The following KIAA1671 variants were observed in gnomAD, a reference collection of about 807,000 sequenced individuals.
KIAA1671 encodes the protein KIAA1671, also known as uncharacterized protein KIAA1671.
Under a neutral mutation model 131.2 loss-of-function variants are expected in KIAA1671, and 52 were observed. The observed-to-expected ratio is 0.40, with a 90% CI of 0.32 to 0.50. KIAA1671 has a LOEUF of 0.50. KIAA1671 is among the 20% of genes least tolerant of loss of function. The pLI is 0.73. For synonymous variants in KIAA1671, 1,003 were observed against 961.6 expected, an observed-to-expected ratio of 1.04 and a Z score of -0.80; for missense variants, 2,360 against 2,364.2, an observed-to-expected ratio of 1.00 and a Z score of 0.04.
chr22:25,001,564 G>C (rs1040382941), intron 1 of KIAA1671, among the ~76,000 whole-genome samples: 2 of 152,184 alleles, frequency 1.3e-5, no homozygotes, highest in Non-Finnish European at 2.9e-5. Context: ...GGACTGGGGT[G>C]GGGGAGATTG....
chr22:25,038,920 C>G lies in KIAA1671; in HGVS notation c.1790C>G (p.Ser597Cys), dbSNP rs1926762546. The G allele has an allele frequency of 6.4e-7, 1 of 1,551,648 alleles. No individual in the cohort carries two copies. Among genetic ancestry groups the G allele is most frequent in the Non-Finnish European group, 8.7e-7 (1 of 1,147,016 alleles). Residue 597 changes from serine (S) to cysteine (C), a missense_variant, in exon 5 of 13, where the codon TCT becomes TGT. This residue lies in a region of KIAA1671 where 1,185 missense variants were observed against 1,126.2 expected (regional missense o/e 1.05). Transcript: ENST00000358431. Reference protein sequence around the residue: ...GGSSVEAPCPSDVTPEDDRSF... With the variant: ...GGSSVEAPCPCDVTPEDDRSF... ...AGCTCAGTGGAGGCCCCGTGCCCTT[C>G]TGACGTCACTCCAGAGGATGACCGG... is the stretch of plus-strand genomic sequence containing the variant.
intron 6 of KIAA1671, among the ~76,000 whole-genome samples, chr22:25,127,099 CTT>C (rs980582540): frequency 6.6e-6 from 1 of 152,058 alleles, no homozygotes; most frequent in African/African-American, 2.4e-5. Flanking sequence ...AGCCATGTGA[CTT>C]TGAGCAAGAC....
chr22:25,179,599 C>T (rs889890887), intron 9 of KIAA1671: 5 of 1,234,782 alleles, frequency 4.0e-6, no homozygotes, highest in Non-Finnish European at 4.5e-6. Context: ...ATGCGTTGGC[C>T]TCCAGGGTGG....
Position 25,049,561 on chromosome 22 carries a change from G to T in KIAA1671, c.4530+197G>T, listed in dbSNP as rs1400810156. ...GATGTGGAGGGTGTTTGGTGGCTCTGCTGGGGAAACCTTCTTCCTCTTGAG... is the reference window on the plus strand; with the variant it reads ...GATGTGGAGGGTGTTTGGTGGCTCTTCTGGGGAAACCTTCTTCCTCTTGAG... On this transcript the variant is annotated intron_variant, in intron 6 of 12. Transcript: ENST00000358431. The T allele has an allele frequency of 3.9e-5, 22 of 569,370 alleles. No individual in the cohort carries two copies. In the East Asian group the frequency reaches 5.9e-4, roughly 15 times the overall value. The allele number at this position is 569,370 out of a possible 1,614,324, so 35.3% of individuals were successfully genotyped here. A position where few individuals can be genotyped will look rare whatever the true frequency, so the allele number is the denominator to read the frequency against.
intron 6 of KIAA1671, among the ~76,000 whole-genome samples, chr22:25,097,094 G>T (rs979992383): frequency 4.6e-5 from 7 of 152,168 alleles, no homozygotes; most frequent in African/African-American, 1.7e-4. Flanking sequence ...ACAAGTCTTT[G>T]TATGGACAAA....
At chr22:25,075,747 G>A (rs1025690361) in intron 6 of KIAA1671, among the ~76,000 whole-genome samples, 1 of 145,822 alleles carries the variant, frequency 6.9e-6, no homozygotes, top group African/African-American at 2.6e-5. Flanking sequence ...GATTACAGGC[G>A]TGAGCACTGC....
chr22:25,165,358 G>A (rs1933611563), intron 6 of KIAA1671, among the ~76,000 whole-genome samples: 1 of 152,142 alleles, frequency 6.6e-6, no homozygotes, highest in South Asian at 2.1e-4. Context: ...ACTATGTGGT[G>A]GTCTCTGGAT....
chr22:25,028,466 T>G lies in KIAA1671; in HGVS notation c.467T>G (p.Leu156Arg). 6.5e-7 allele frequency: 1 copy of G among 1,550,286 alleles called. No individual in the cohort carries two copies. Among genetic ancestry groups the G allele is most frequent in the Non-Finnish European group, 8.7e-7 (1 of 1,146,472 alleles). The change falls in exon 3 of 13, where the codon CTG becomes CGG. Residue 156 changes from leucine to arginine, a missense_variant. Around this residue, in one of 3 missense-constraint regions of KIAA1671, gnomAD observed 1,185 missense variants for 1,126.2 expected, o/e 1.05. Transcript: ENST00000358431. Reference protein sequence around the residue: ...LFETTKSGPALGKAVSEGAEE... With the variant: ...LFETTKSGPARGKAVSEGAEE... Reference sequence around the variant, plus strand: ...GAAACCACCAAAAGCGGCCCCGCTCTGGGGAAGGCGGTTAGTGAGGGGGCG... The same window carrying G: ...GAAACCACCAAAAGCGGCCCCGCTCGGGGGAAGGCGGTTAGTGAGGGGGCG...
chr22:25,029,627 G>C (rs1377571824), intron 3 of KIAA1671, 87 bp downstream of exon 3: 4 of 979,762 alleles, frequency 4.1e-6, no homozygotes, highest in East Asian at 2.7e-5. Flanking sequence ...CTGGGCACTT[G>C]TCACCCCCCC....
At chr22:25,094,086 T>C (rs1930284509) in intron 6 of KIAA1671, among the ~76,000 whole-genome samples, 2 of 152,102 alleles carry the variant, frequency 1.3e-5, no homozygotes, top group South Asian at 4.2e-4. Flanking sequence ...TAAAGCATCG[T>C]TCTTGTTTTC....
intron 6 of KIAA1671, among the ~76,000 whole-genome samples, chr22:25,073,254 G>T (rs993698964): frequency 3.3e-5 from 5 of 151,610 alleles, no homozygotes; most frequent in African/African-American, 1.2e-4. Context: ...TTTTTATAGA[G>T]ATGTGGCCTC....
intron 6 of KIAA1671, among the ~76,000 whole-genome samples, chr22:25,140,370 CT>C (rs887501069): frequency 1.7e-4 from 26 of 151,286 alleles, no homozygotes; most frequent in African/African-American, 5.3e-4. Context: ...AGGGTTTTCT[CT>C]TTTTTTTTCC....
chr22:25,026,476 A>T (rs958833809), intron 2 of KIAA1671, among the ~76,000 whole-genome samples: 1 of 152,136 alleles, frequency 6.6e-6, no homozygotes, highest in African/African-American at 2.4e-5. Context: ...CAAGCCTGTA[A>T]TCTCAGCACT....
In KIAA1671 at chr22:24,972,595, TCTA is replaced by T. The variant is rs369013684; in HGVS notation, c.-208+19828_-208+19830del. Among the ~76,000 whole-genome samples, 861 of 152,336 alleles carry T rather than the reference TCTA, an allele frequency of 5.7e-3. 7 individuals are homozygous for T. The highest frequency in any genetic ancestry group is 0.019 in the African/African-American group (803 of 41,578). ...ACCTGTACTTTCTTCCTTCTTTCCA[TCTA>T]CTACCTTCCATTCCATCCACTTATT... On this transcript the variant is annotated intron_variant, in intron 1 of 12. Transcript: ENST00000358431.
At chr22:24,963,714 GC>G (rs1922139172) in intron 1 of KIAA1671, among the ~76,000 whole-genome samples, 1 of 151,990 alleles carries the variant, frequency 6.6e-6, no homozygotes, top group Admixed American at 6.6e-5. Flanking sequence ...GATGAGGCGG[GC>G]AGATCACGAG....
intron 6 of KIAA1671, among the ~76,000 whole-genome samples, chr22:25,119,757 G>A (rs1931846925): frequency 6.6e-6 from 1 of 152,182 alleles, no homozygotes; most frequent in African/African-American, 2.4e-5. Flanking sequence ...AAGTTTGGAG[G>A]GACATTGGGA....
chr22:25,108,604 T>C (rs1442464920), intron 6 of KIAA1671, among the ~76,000 whole-genome samples: 1 of 152,134 alleles, frequency 6.6e-6, no homozygotes, highest in Non-Finnish European at 1.5e-5. Context: ...CCTAGCCCTG[T>C]GTATGTTTCC....
At chr22:25,095,297 T>A (rs967158786) in intron 6 of KIAA1671, among the ~76,000 whole-genome samples, 3 of 152,186 alleles carry the variant, frequency 2.0e-5, no homozygotes, top group Non-Finnish European at 4.4e-5. Context: ...CTGCACAGAC[T>A]CACATTCCAG....
chr22:25,142,917 G>A (rs1307174162), intron 6 of KIAA1671, among the ~76,000 whole-genome samples: 1 of 152,186 alleles, frequency 6.6e-6, no homozygotes, highest in Non-Finnish European at 1.5e-5. Flanking sequence ...GTGCTCCTGT[G>A]CCTTACCTGG....
Sources: gnomAD v4.1 joint callset for allele counts (sites outside exome capture counted in the v4.1 genomes callset) on GRCh38, gnomAD v4.1.1 for gene constraint, gnomAD v4.1.1 regional missense constraint, MANE v1.5 for transcripts, NCBI Gene and HGNC (gene_info 2026-07-23, HGNC 2026-07-21) for gene names.